The following CD151 variants were observed in gnomAD, a reference collection of about 807,000 sequenced individuals.
The protein encoded by CD151 is CD151 antigen.
Under a neutral mutation model 34.2 loss-of-function variants are expected in CD151, and 20 were observed. That is an observed-to-expected ratio of 0.58 (90% CI 0.41 to 0.85). The LOEUF is 0.85. Among genes scored for constraint, CD151 ranks in the 40% least tolerant of loss-of-function variants. The probability of loss-of-function intolerance (pLI) is 0.00; values close to 1 mark genes in which losing one functional copy is unlikely to be tolerated. For missense variants in CD151, 306 were observed against 324.5 expected, an observed-to-expected ratio of 0.94 and a Z score of 0.44; for synonymous variants, 157 against 131.7, an observed-to-expected ratio of 1.19 and a Z score of -1.32.
intron 2 of CD151, 46 bp from the exon 3 acceptor site, chr11:836,015 CAG>C (rs1391976649): frequency 3.4e-5 from 39 of 1,132,520 alleles, no homozygotes; most frequent in Non-Finnish European, 5.1e-5. Flanking sequence ...GTCTCCCAGT[CAG>C]GGGCCCGGTG....
chr11:837,039 G>C, intron 5 of CD151, 196 bp downstream of exon 5: 1 of 657,882 alleles, frequency 1.5e-6, no homozygotes, highest in South Asian at 1.8e-5. Context: ...AGGGGATCCA[G>C]AAGCTCTCTC....
intron 5 of CD151, 44 bp downstream of exon 5, chr11:836,887 G>C (rs1488654409): frequency 6.4e-7 from 1 of 1,561,428 alleles, no homozygotes; most frequent in Admixed American, 1.7e-5. Context: ...GACATGCACA[G>C]GCGGGGCGGA....
chr11:837,658 GT>G (rs1846827892), intron 7 of CD151, 40 bp downstream of exon 7: 1 of 1,531,970 alleles, frequency 6.5e-7, no homozygotes, highest in Non-Finnish European at 8.8e-7. Context: ...TGTCTACGAG[GT>G]GGTGGGGGGG....
chr11:834,153 G>A (rs1041779137), intron 1 of CD151: 1 of 152,184 alleles, frequency 6.6e-6, no homozygotes, highest in African/African-American at 2.4e-5. Flanking sequence ...AAGGTCAGGA[G>A]TTCGAGACCA....
At position 837,130 on chromosome 11, in the gene CD151, G is replaced by A. The variant is rs958180210; in HGVS notation, c.352-120G>A. ...CCCCTCATGCCGAGGTGTGACCTCA[G>A]CCCTTCCCTGTGGCTCTGAGCTGGG... On this transcript the variant is annotated intron_variant, in intron 5 of 8. Transcript: ENST00000397420. 167 of 821,362 alleles carry A rather than the reference G, an allele frequency of 2.0e-4. 1 individual carries two copies. The highest frequency in any genetic ancestry group is 5.5e-4 in the South Asian group (36 of 64,960). The allele number at this position is 821,362 out of a possible 1,614,324, so 50.9% of individuals were successfully genotyped here.
In CD151 at chr11:838,213, C is replaced by T; in HGVS notation, c.*21C>T. 6.2e-7 allele frequency: 1 copy of T among 1,604,058 alleles called. No homozygotes were observed. Among genetic ancestry groups the T allele is most frequent in the Non-Finnish European group, 8.5e-7 (1 of 1,171,856 alleles). On this transcript the variant is annotated 3_prime_UTR_variant, in exon 9 of 9. Transcript: ENST00000397420. ...ACTGACCCTGCCTTGGGCCTTGCTG[C>T]TGCTGCACCCAACTACTGAGCTGAG...
intron 8 of CD151, 51 bp downstream of exon 8, chr11:838,079 C>T (rs546483737): frequency 3.1e-5 from 49 of 1,604,906 alleles, no homozygotes; most frequent in Middle Eastern, 1.7e-4. Context: ...CGGGGCAGGG[C>T]GGTGGCTGGT....
intron 1 of CD151, among the ~76,000 whole-genome samples, chr11:833,682 G>T (rs1263514602): frequency 2.7e-5 from 4 of 147,206 alleles, no homozygotes; most frequent in Non-Finnish European, 3.0e-5. Context: ...TCCTCAGCGG[G>T]TCGCCTGTGT....
Position 838,719 on chromosome 11 carries a change from T to C in CD151, c.*527T>C, listed in dbSNP as rs961276175. On this transcript the variant is annotated 3_prime_UTR_variant, in exon 9 of 9. Coordinates refer to ENST00000397420, the MANE Select transcript of CD151 (RefSeq NM_004357.5). ...GCCACGTGGTCACTGTGCACTGCCC[T>C]GTTCATGTGCCTCTGCGGGGCAGGG... 5.7e-5 allele frequency: 10 copies of C among 175,480 alleles called. No individual in the cohort carries two copies. The highest frequency in any genetic ancestry group is 1.9e-4 in the African/African-American group (8 of 42,206). The allele number at this position is 175,480 out of a possible 1,614,324, so 10.9% of individuals were successfully genotyped here.
intron 5 of CD151, 88 bp from the exon 6 acceptor site, chr11:837,162 G>C (rs1181962490): frequency 9.0e-7 from 1 of 1,106,694 alleles, no homozygotes; most frequent in East Asian, 2.4e-5. Flanking sequence ...TGGGCCCCGG[G>C]CCTCCCCACC....
chr11:836,172 G>GCCC lies in CD151; in HGVS notation c.84+22_84+24dup. 6.5e-7 allele frequency: 1 copy of GCCC among 1,547,480 alleles called. No homozygotes were observed. The highest frequency in any genetic ancestry group is 8.9e-7 in the Non-Finnish European group (1 of 1,121,556). On this transcript the variant is annotated intron_variant, in intron 3 of 8. Coordinates refer to ENST00000397420, the MANE Select transcript of CD151 (RefSeq NM_004357.5). Reference sequence around the variant, plus strand: ...CTTCTGGGTGAGGAGGGGTCGCCTTGCCCCCACCCCCACCCCCACCCCTCC... The same window carrying GCCC: ...CTTCTGGGTGAGGAGGGGTCGCCTTGCCCCCCCCACCCCCACCCCCACCCCTCC...
chr11:836,107 C>T lies in CD151; in HGVS notation c.38C>T (p.Thr13Ile), dbSNP rs1226692463. The T allele has an allele frequency of 6.2e-7, 1 of 1,612,822 alleles. No individual in the cohort carries two copies. The highest frequency in any genetic ancestry group is 8.5e-7 in the Non-Finnish European group (1 of 1,179,852). ...EFNEKKTTCG[T>I]VCLKYLLFTY... is the part of the protein sequence containing the mutation. ...AACGAGAAGAAGACAACATGTGGCA[C>T]CGTTTGCCTCAAGTACCTGCTGTTT... Residue 13 changes from threonine (T) to isoleucine (I), a missense_variant, in exon 3 of 9, where the codon ACC becomes ATC. Coordinates refer to ENST00000397420, the MANE Select transcript of CD151 (RefSeq NM_004357.5).
intron 2 of CD151, 21 bp from the exon 3 acceptor site, chr11:836,042 A>G (rs1554984726): frequency 2.0e-6 from 3 of 1,484,018 alleles, no homozygotes; most frequent in Non-Finnish European, 2.8e-6. Context: ...GGCCCCGCTG[A>G]CCCCTCCCCT....
intron 4 of CD151, 60 bp downstream of exon 4, chr11:836,502 G>C: frequency 2.3e-6 from 3 of 1,295,164 alleles, no homozygotes. Context: ...GGAGGTTGTC[G>C]CTGCAGGCTT....
At chr11:835,090 A>T (rs995823518) in intron 2 of CD151, 8 of 152,156 alleles carry the variant, frequency 5.3e-5, no homozygotes, top group African/African-American at 1.9e-4. Flanking sequence ...GGCTGGCATG[A>T]GCTCACCGGA....
intron 2 of CD151, 188 bp from the exon 3 acceptor site, chr11:835,875 G>A: frequency 1.8e-6 from 1 of 569,574 alleles, no homozygotes; most frequent in Non-Finnish European, 3.2e-6. Context: ...TTCTAGTACA[G>A]ACGGGGTTTC....
chr11:833,407 A>C (rs1055940828), intron 1 of CD151, among the ~76,000 whole-genome samples: 3 of 152,132 alleles, frequency 2.0e-5, no homozygotes, highest in Non-Finnish European at 4.4e-5. Flanking sequence ...CGCCCGCAGC[A>C]GCCCCCGCCC....
At chr11:835,960 T>C in intron 2 of CD151, 103 bp from the exon 3 acceptor site, 1 of 714,884 alleles carries the variant, frequency 1.4e-6, no homozygotes, top group South Asian at 1.5e-5. Flanking sequence ...GTGCTGGGAT[T>C]ACAGGCGTGA....
chr11:838,731 T>C lies in CD151; in HGVS notation c.*539T>C. 6.0e-6 allele frequency: 1 copy of C among 165,596 alleles called. No homozygotes were observed. Among genetic ancestry groups the C allele is most frequent in the East Asian group, 1.7e-4 (1 of 5,862 alleles). The allele number at this position is 165,596 out of a possible 1,614,324, so 10.3% of individuals were successfully genotyped here. A position where few individuals can be genotyped will look rare whatever the true frequency, so the allele number is the denominator to read the frequency against. ...CTGTGCACTGCCCTGTTCATGTGCC[T>C]CTGCGGGGCAGGGCCTTCCTGGTTT... On this transcript the variant is annotated 3_prime_UTR_variant, in exon 9 of 9. Transcript: ENST00000397420.
Sources: allele counts gnomAD v4.1 joint callset (sites outside exome capture counted in the v4.1 genomes callset), GRCh38; gene constraint gnomAD v4.1.1; transcripts MANE v1.5; gene names NCBI Gene and HGNC (gene_info 2026-07-23, HGNC 2026-07-21).